Variants in MEX3D observed in about 807,000 individuals in gnomAD.
The protein encoded by MEX3D is mex-3 RNA binding family member D.
In MEX3D, 4 loss-of-function variants were observed where a neutral mutation model predicts 6.3. The observed-to-expected ratio is 0.64, with a 90% CI of 0.31 to 1.46. The LOEUF (loss-of-function observed/expected upper bound fraction) is 1.46, where lower values mean the gene tolerates loss of function less well. Among genes scored for constraint, MEX3D ranks in the 40% most tolerant of loss-of-function variants. The pLI, the probability that MEX3D is intolerant of heterozygous loss-of-function variation, is 0.07. For synonymous variants in MEX3D, 626 were observed against 494.1 expected (o/e 1.27, Z -3.54); for missense variants, 1,038 against 994.4 (o/e 1.04, Z -0.59).
At chr19:1,566,884 G>A (rs1914855071) in intron 1 of MEX3D, among the ~76,000 whole-genome samples, 1 of 152,110 alleles carries the variant, frequency 6.6e-6, no homozygotes, top group Non-Finnish European at 1.5e-5. Flanking sequence ...TTTGACAGCC[G>A]GTCCTTCCCC....
Position 1,556,380 on chromosome 19 carries a change from C to T in MEX3D, c.1139G>A (p.Gly380Glu). Reference sequence around the variant, plus strand: ...GGCCGTGGCCGTGGGGGGCCGTCGTCCCTGGTTGGGGGTCTTGGCCCAGAG... The same window carrying T: ...GGCCGTGGCCGTGGGGGGCCGTCGTTCCTGGTTGGGGGTCTTGGCCCAGAG... ...ASLWAKTPNQ[G>E]RRPPTATAGL... Residue 380 changes from glycine to glutamate, a missense_variant, in exon 2 of 2, where the codon GGA becomes GAA. Gly to Glu is a moderately conservative substitution (Grantham distance 98). This residue lies in a region of MEX3D where 581 missense variants were observed against 516.2 expected (regional missense o/e 1.13). Coordinates refer to ENST00000402693, the MANE Select transcript of MEX3D (RefSeq NM_203304.4). This position sits in a 1 kb window ranked among gnomAD's most constrained non-coding sequence, Gnocchi z 7.5. 6.6e-7 allele frequency: 1 copy of T among 1,522,364 alleles called. No homozygotes were observed. The highest frequency in any genetic ancestry group is 2.5e-5 in the East Asian group (1 of 40,440). The allele number at this position is 1,522,364 out of a possible 1,614,324, so 94.3% of individuals were successfully genotyped here. A position where few individuals can be genotyped will look rare whatever the true frequency, so the allele number is the denominator to read the frequency against.
Position 1,556,266 on chromosome 19 carries a change from G to C in MEX3D, c.1253C>G (p.Pro418Arg). The C allele has an allele frequency of 7.5e-7, 1 of 1,332,996 alleles. No homozygotes were observed. Among genetic ancestry groups the C allele is most frequent in the Non-Finnish European group, 9.5e-7 (1 of 1,047,306 alleles). 82.6% of individuals were successfully genotyped at this position (1,332,996 alleles called of 1,614,324 possible). The change falls in exon 2 of 2, where the codon CCA (proline) becomes CGA (arginine). Residue 418 changes from proline to arginine, a missense_variant. By Grantham distance (103) the Pro-to-Arg change is moderately radical. Transcript: ENST00000402693. The surrounding 1 kb of genome is among the most constrained non-coding windows in gnomAD (Gnocchi z 7.5). ...GCCGCTGTAGGGGCTGGCGGGGCCT[G>C]GGTCCGGCACGGAGGGGCCGCCGCG... ...GSRGGPSVPD[P>R]GPASPYSGSG...
At position 1,555,154 on chromosome 19, in the gene MEX3D, A is replaced by G. The variant is rs1050709101; in HGVS notation, c.*409T>C. 5 of 524,188 alleles carry G rather than the reference A, an allele frequency of 9.5e-6. No individual in the cohort carries two copies. The African/African-American group carries it at 1.0e-4, about 11-fold the overall frequency. The allele number at this position is 524,188 out of a possible 1,614,324, so 32.5% of individuals were successfully genotyped here. ...TGCGGCCTGAGACCGGCCGGCGAGA[A>G]AAGTCAAATCAGAAAACGGCTTCGG... is the stretch of plus-strand genomic sequence containing the variant. On this transcript the variant is annotated 3_prime_UTR_variant, in exon 2 of 2. Transcript: ENST00000402693.
At position 1,556,185 on chromosome 19, in the gene MEX3D, G is replaced by A. The variant is rs897481945; in HGVS notation, c.1334C>T (p.Thr445Met). Reference protein sequence around the residue: ...GAEGPGAPVGTAAPDDCDFGF... With the variant: ...GAEGPGAPVGMAAPDDCDFGF... ...GAAGTCGCAGTCGTCGGGGGCGGCC[G>A]TCCCCACCGGGGCACCGGGACCCTC... The change falls in exon 2 of 2, where the codon ACG becomes ATG. Residue 445 changes from threonine (T) to methionine (M), a missense_variant. Transcript: ENST00000402693. The surrounding 1 kb of genome is among the most constrained non-coding windows in gnomAD (Gnocchi z 7.5). 29 of 1,456,858 alleles carry A rather than the reference G, an allele frequency of 2.0e-5. No individual in the cohort carries two copies. Among genetic ancestry groups the A allele is most frequent in the African/African-American group, 1.2e-4 (8 of 67,042 alleles). The allele number at this position is 1,456,858 out of a possible 1,614,324, so 90.2% of individuals were successfully genotyped here.
rs76091197 is a variant in MEX3D at position 1,566,721 on chromosome 19, G to A, written c.595+743C>T. ...GCTCGGGGGCCAATGAGCAGCGGCC[G>A]GCCTGATGTCACCCTGCAAATCTCA... On this transcript the variant is annotated intron_variant, in intron 1 of 1. Coordinates refer to ENST00000402693, the MANE Select transcript of MEX3D (RefSeq NM_203304.4). 1.8e-4 allele frequency among the ~76,000 whole-genome samples: 28 copies of A among 151,724 alleles called. No homozygotes were observed. In the East Asian group the frequency reaches 4.5e-3, roughly 24 times the overall value.
chr19:1,559,060 T>G (rs1161659183), intron 1 of MEX3D, among the ~76,000 whole-genome samples: 3 of 151,634 alleles, frequency 2.0e-5, no homozygotes, highest in African/African-American at 7.3e-5. Context: ...TGATCATAGC[T>G]CACTGCAGCC....
chr19:1,557,034 G>A, intron 1 of MEX3D, 111 bp from the exon 2 acceptor site: 1 of 1,300,402 alleles, frequency 7.7e-7, no homozygotes, highest in Non-Finnish European at 1.0e-6. Context: ...CTCCCAGCCT[G>A]TGCCCAACAA....
intron 1 of MEX3D, among the ~76,000 whole-genome samples, chr19:1,564,029 G>C (rs111425713): frequency 3.3e-5 from 5 of 151,190 alleles, no homozygotes; most frequent in African/African-American, 9.7e-5. Flanking sequence ...GGCTGGTCTC[G>C]ATTCCTAGGC....
chr19:1,559,934 T>C (rs2145572408), intron 1 of MEX3D, among the ~76,000 whole-genome samples: 1 of 152,256 alleles, frequency 6.6e-6, no homozygotes, highest in African/African-American at 2.4e-5. Flanking sequence ...TCACCTCCAT[T>C]GCACCCAGTC....
At position 1,555,875 on chromosome 19, in the gene MEX3D, G is replaced by A; in HGVS notation, c.1644C>T (p.Gly548=). The part of the protein sequence containing the change: ...VGALSWRPPQ[G]PVSFPGGAAF... ...CGGCGCCGCCTGGGAAGGATACGGGGCCCTGCGGGGGTCGCCAGGACAGCG... is the reference window on the plus strand; with the variant it reads ...CGGCGCCGCCTGGGAAGGATACGGGACCCTGCGGGGGTCGCCAGGACAGCG... Residue 548 remains glycine, a synonymous_variant, in exon 2 of 2, where the codon GGC becomes GGT. Coordinates refer to ENST00000402693, the MANE Select transcript of MEX3D (RefSeq NM_203304.4). 11 of 1,309,092 alleles carry A rather than the reference G, an allele frequency of 8.4e-6. No homozygotes were observed. The highest frequency in any genetic ancestry group is 1.1e-5 in the Non-Finnish European group (11 of 1,032,450). 81.1% of individuals were successfully genotyped at this position (1,309,092 alleles called of 1,614,324 possible).
chr19:1,556,547 G>A lies in MEX3D; in HGVS notation c.972C>T (p.Pro324=). The A allele has an allele frequency of 1.9e-6, 3 of 1,607,648 alleles. No individual in the cohort carries two copies. The highest frequency in any genetic ancestry group is 1.1e-5 in the South Asian group (1 of 90,930). ...KEPVFAVTGM[P]ENVDRAREEI... ...CCTCGCGCGCGCGGTCCACGTTCTC[G>A]GGCATCCCAGTGACCGCGAACACCG... Residue 324 remains proline, a synonymous_variant, in exon 2 of 2, where the codon CCC becomes CCT. Transcript: ENST00000402693. This position sits in a 1 kb window ranked among gnomAD's most constrained non-coding sequence, Gnocchi z 7.5.
In MEX3D at chr19:1,556,011, C is replaced by A; in HGVS notation, c.1508G>T (p.Arg503Leu). The A allele has an allele frequency of 8.1e-7, 1 of 1,233,922 alleles. No individual in the cohort carries two copies. The highest frequency in any genetic ancestry group is 4.0e-5 in the East Asian group (1 of 25,248). 76.4% of individuals were successfully genotyped at this position (1,233,922 alleles called of 1,614,324 possible). A position where few individuals can be genotyped will look rare whatever the true frequency, so the allele number is the denominator to read the frequency against. Residue 503 changes from arginine to leucine, a missense_variant, in exon 2 of 2, where the codon CGG becomes CTG. Around this residue, in one of 5 missense-constraint regions of MEX3D, gnomAD observed 581 missense variants for 516.2 expected, o/e 1.13. Transcript: ENST00000402693. The surrounding 1 kb of genome is among the most constrained non-coding windows in gnomAD (Gnocchi z 7.5). Reference sequence around the variant, plus strand: ...GGGGGTCCCGGCCCCACTGCTGCGCCGGGCGCCGGCGGCGGGAGGTCCCGG... The same window carrying A: ...GGGGGTCCCGGCCCCACTGCTGCGCAGGGCGCCGGCGGCGGGAGGTCCCGG... ...GAPGPPAAGA[R>L]RSSGAGTPRH... is the part of the protein sequence containing the mutation.
chr19:1,561,697 G>C (rs1914722784), intron 1 of MEX3D, among the ~76,000 whole-genome samples: 1 of 152,156 alleles, frequency 6.6e-6, no homozygotes, highest in African/African-American at 2.4e-5. Context: ...TGTCGCCCAG[G>C]CTGGAGTGCA....
In MEX3D at chr19:1,555,380, G is replaced by C. The variant is rs753344330; in HGVS notation, c.*183C>G. 9 of 1,601,200 alleles carry C rather than the reference G, an allele frequency of 5.6e-6. No individual in the cohort carries two copies. Among genetic ancestry groups the C allele is most frequent in the Non-Finnish European group, 7.7e-6 (9 of 1,173,316 alleles). ...GGCGCCGCCGGGCTGCGGGGTCTCC[G>C]TCTCCACGCCTGAGGCGGCAGTTAA... On this transcript the variant is annotated 3_prime_UTR_variant, in exon 2 of 2. Transcript: ENST00000402693.
In MEX3D at chr19:1,567,367, G is replaced by T; in HGVS notation, c.595+97C>A. The T allele has an allele frequency of 7.6e-7, 1 of 1,321,978 alleles. No individual in the cohort carries two copies. The highest frequency in any genetic ancestry group is 9.7e-7 in the Non-Finnish European group (1 of 1,026,804). The allele number at this position is 1,321,978 out of a possible 1,614,324, so 81.9% of individuals were successfully genotyped here. On this transcript the variant is annotated intron_variant, in intron 1 of 1. Coordinates refer to ENST00000402693, the MANE Select transcript of MEX3D (RefSeq NM_203304.4). The surrounding 1 kb of genome is among the most constrained non-coding windows in gnomAD (Gnocchi z 6.5). ...ACGCGGGGCGTGTCCGGTGCGGGGC[G>T]TCCGGCGCGGGCTGGGCTGGGCTCG...
chr19:1,564,407 C>T (rs1213375166), intron 1 of MEX3D, among the ~76,000 whole-genome samples: 1 of 152,058 alleles, frequency 6.6e-6, no homozygotes, highest in African/African-American at 2.4e-5. Flanking sequence ...GTGGCACGTG[C>T]CTGTAATCCC....
chr19:1,555,789 T>C lies in MEX3D; in HGVS notation c.1730A>G (p.Asp577Gly). Residue 577 changes from aspartate to glycine, a missense_variant, in exon 2 of 2, where the codon GAC becomes GGC. Transcript: ENST00000402693. ...SPAAAACAPL[D>G]SGASENSRKP... ...GCGGCTGTTCTCGGAGGCGCCGGAG[T>C]CCAGGGGGGCGCAGGCGGCGGCCGC... 7.0e-7 allele frequency: 1 copy of C among 1,419,080 alleles called. No homozygotes were observed. Among genetic ancestry groups the C allele is most frequent in the Non-Finnish European group, 9.1e-7 (1 of 1,096,140 alleles). 87.9% of individuals were successfully genotyped at this position (1,419,080 alleles called of 1,614,324 possible).
chr19:1,562,953 G>A (rs1189370443), intron 1 of MEX3D, among the ~76,000 whole-genome samples: 1 of 152,176 alleles, frequency 6.6e-6, no homozygotes, highest in Non-Finnish European at 1.5e-5. Context: ...GGGAGGTGGA[G>A]GCTGCAGTGA....
intron 1 of MEX3D, among the ~76,000 whole-genome samples, chr19:1,561,426 G>A (rs1914715000): frequency 1.3e-5 from 2 of 152,210 alleles, no homozygotes; most frequent in Non-Finnish European, 2.9e-5. Context: ...CCAGGCAGCC[G>A]GGTGACGCGG....
Sources: gnomAD v4.1 joint callset for allele counts (sites outside exome capture counted in the v4.1 genomes callset) on GRCh38, gnomAD v4.1.1 for gene constraint, gnomAD v4.1.1 regional missense constraint, Gnocchi (gnomAD v3.1) non-coding constraint, MANE v1.5 for transcripts, NCBI Gene and HGNC (gene_info 2026-07-23, HGNC 2026-07-21) for gene names.